The following RTRAF variants were observed in gnomAD, a reference collection of about 807,000 sequenced individuals.
RTRAF encodes the protein tRNA-splicing ligase complex subunit RTRAF.
In RTRAF, 14 loss-of-function variants were observed where a neutral mutation model predicts 34.4. That is an observed-to-expected ratio of 0.41 (90% CI 0.27 to 0.64). RTRAF has a LOEUF of 0.64. Among genes scored for constraint, RTRAF ranks in the 30% least tolerant of loss-of-function variants. The probability of loss-of-function intolerance (pLI) is 0.34; values close to 1 mark genes in which losing one functional copy is unlikely to be tolerated. For missense variants in RTRAF, 291 were observed against 288.4 expected (o/e 1.01, Z -0.06); for synonymous variants, 96 against 95.3 (o/e 1.01, Z -0.04).
intron 3 of RTRAF, among the ~76,000 whole-genome samples, chr14:51,994,093 A>G (rs1890479186): frequency 6.6e-6 from 1 of 152,226 alleles, no homozygotes; most frequent in African/African-American, 2.4e-5. Flanking sequence ...TTAGCCTTTC[A>G]AATTAAATTG....
intron 2 of RTRAF, among the ~76,000 whole-genome samples, chr14:51,993,208 AT>A (rs928095397): frequency 1.3e-5 from 2 of 152,140 alleles, no homozygotes; most frequent in African/African-American, 4.8e-5. Context: ...AATGTTACAT[AT>A]AATACTATTA....
chr14:52,010,215 G>C lies in RTRAF; in HGVS notation c.*5699G>C, dbSNP rs1010322417. 7.9e-5 allele frequency: 12 copies of C among 152,188 alleles called. No homozygotes were observed. Among genetic ancestry groups the C allele is most frequent in the Admixed American group, 6.5e-4 (10 of 15,276 alleles). 9.4% of individuals were successfully genotyped at this position (152,188 alleles called of 1,614,324 possible). On this transcript the variant is annotated 3_prime_UTR_variant, in exon 8 of 8. Transcript: ENST00000261700. ...AAGCACTTACCTGAAAATTAAAGCT[G>C]AAGGTTTTCTTTACTGATTTGAAGG...
intron 3 of RTRAF, among the ~76,000 whole-genome samples, chr14:51,996,064 G>A (rs1415590797): frequency 6.6e-6 from 1 of 152,052 alleles, no homozygotes; most frequent in African/African-American, 2.4e-5. Context: ...AATGGTAGAT[G>A]CATATGGTCA....
At chr14:51,998,938 T>C (rs964682163) in intron 4 of RTRAF, among the ~76,000 whole-genome samples, 4 of 152,018 alleles carry the variant, frequency 2.6e-5, no homozygotes, top group African/African-American at 9.7e-5. Context: ...GGATATCTTT[T>C]AGTAATTTCC....
At position 52,005,849 on chromosome 14, in the gene RTRAF, C is replaced by T. The variant is rs1420834999; in HGVS notation, c.*1333C>T. 2 of 1,599,770 alleles carry T rather than the reference C, an allele frequency of 1.3e-6. No homozygotes were observed. Among genetic ancestry groups the T allele is most frequent in the Middle Eastern group, 1.7e-4 (1 of 6,044 alleles). The stretch of plus-strand genomic sequence containing the variant: ...GTTTATTTACTGATACAACACCATC[C>T]CTGGTAACAGAAAGGAAGAGTGAAT... On this transcript the variant is annotated 3_prime_UTR_variant, in exon 8 of 8. Transcript: ENST00000261700.
In RTRAF at chr14:52,007,674, TTTACTAGTACTTAA is replaced by T. The variant is rs1161313324; in HGVS notation, c.*3159_*3172del. ...TAAGACTCATTTACTAGTACTTAAATTTACTAGTACTTAAAAGTTTACAGACCAAAGAAAGGAGA... is the reference window on the plus strand; with the variant it reads ...TAAGACTCATTTACTAGTACTTAAATAAGTTTACAGACCAAAGAAAGGAGA... On this transcript the variant is annotated 3_prime_UTR_variant, in exon 8 of 8. Coordinates refer to ENST00000261700, the MANE Select transcript of RTRAF (RefSeq NM_016039.3). The T allele has an allele frequency of 2.2e-4, 175 of 801,558 alleles. No homozygotes were observed. Among genetic ancestry groups the T allele is most frequent in the Admixed American group, 6.9e-4 (29 of 41,980 alleles). The allele number at this position is 801,558 out of a possible 1,614,324, so 49.7% of individuals were successfully genotyped here.
At chr14:51,999,446 G>T in intron 4 of RTRAF, 1 of 315,490 alleles carries the variant, frequency 3.2e-6, no homozygotes, top group East Asian at 5.2e-5. Context: ...TGAACTCATT[G>T]TAAGGTCAAA....
intron 5 of RTRAF, among the ~76,000 whole-genome samples, chr14:52,001,160 G>GT (rs200885934): frequency 0.012 from 1,850 of 152,232 alleles, 18 homozygotes; most frequent in Non-Finnish European, 0.021. Context: ...AAAAATTATA[G>GT]TTTAAGTTTT....
rs1421903576 is a variant in RTRAF, at chr14:52,006,029, T to G, written c.*1513T>G. On this transcript the variant is annotated 3_prime_UTR_variant, in exon 8 of 8. Coordinates refer to ENST00000261700, the MANE Select transcript of RTRAF (RefSeq NM_016039.3). The stretch of plus-strand genomic sequence containing the variant: ...TTGCTCTAAATCCATTGCTCATCTC[T>G]AGCTGCATGTTAGAATCACATGATG... 4 of 584,488 alleles carry G rather than the reference T, an allele frequency of 6.8e-6. No individual in the cohort carries two copies. Among genetic ancestry groups the G allele is most frequent in the Non-Finnish European group, 1.2e-5 (4 of 323,422 alleles). The allele number at this position is 584,488 out of a possible 1,614,324, so 36.2% of individuals were successfully genotyped here. A position where few individuals can be genotyped will look rare whatever the true frequency, so the allele number is the denominator to read the frequency against.
chr14:51,989,792 T>G, intron 1 of RTRAF, 92 bp downstream of exon 1: 1 of 1,353,070 alleles, frequency 7.4e-7, no homozygotes, highest in Non-Finnish European at 1.0e-6. Flanking sequence ...GTCGGGACCC[T>G]CGGCGGCCTG....
chr14:52,007,806 T>C lies in RTRAF; in HGVS notation c.*3290T>C. The C allele has an allele frequency of 6.2e-7, 1 of 1,612,790 alleles. No homozygotes were observed. On this transcript the variant is annotated 3_prime_UTR_variant, in exon 8 of 8. Transcript: ENST00000261700. Reference sequence around the variant, plus strand: ...ATCTATTTGCATTCCATCAGTAGTATTACCTGCATCTGCCCAGCAGAGCAG... The same window carrying C: ...ATCTATTTGCATTCCATCAGTAGTACTACCTGCATCTGCCCAGCAGAGCAG...
Position 51,999,976 on chromosome 14 carries a change from C to T in RTRAF, c.462+180C>T, listed in dbSNP as rs1890576591. The T allele has an allele frequency of 7.7e-6, 4 of 516,456 alleles. No individual in the cohort carries two copies. The East Asian group carries it at 1.2e-4, about 15-fold the overall frequency. 32.0% of individuals were successfully genotyped at this position (516,456 alleles called of 1,614,324 possible). On this transcript the variant is annotated intron_variant, in intron 5 of 7. Transcript: ENST00000261700. ...ATTTGGATTCTGTTTTCTGCCTGCA[C>T]TATGCTAAATCCTTTGCAAAGATGT...
rs893007211 is a variant in RTRAF at position 52,006,204 on chromosome 14, A to G, written c.*1688A>G. The G allele has an allele frequency of 1.0e-5, 4 of 395,796 alleles. No individual in the cohort carries two copies. The highest frequency in any genetic ancestry group is 2.8e-5 in the South Asian group (1 of 35,780). 24.5% of individuals were successfully genotyped at this position (395,796 alleles called of 1,614,324 possible). ...CAAAAGCCAACTTAAGCCCTGTAAT[A>G]TAGCTCATGGTATCAAGGGTAGTCT... On this transcript the variant is annotated 3_prime_UTR_variant, in exon 8 of 8. Coordinates refer to ENST00000261700, the MANE Select transcript of RTRAF (RefSeq NM_016039.3).
rs146857113 is a variant in RTRAF at position 52,008,162 on chromosome 14, G to T, written c.*3646G>T. The T allele has an allele frequency of 4.3e-6, 2 of 468,430 alleles. No individual in the cohort carries two copies. Among genetic ancestry groups the T allele is most frequent in the Non-Finnish European group, 7.4e-6 (2 of 268,504 alleles). 29.0% of individuals were successfully genotyped at this position (468,430 alleles called of 1,614,324 possible). ...GCAGAAGTGATAGGCTATCACTGCC[G>T]ATATTCGGTCTCAAAAAACTGGTTT... is the stretch of plus-strand genomic sequence containing the variant. On this transcript the variant is annotated 3_prime_UTR_variant, in exon 8 of 8. Transcript: ENST00000261700.
intron 6 of RTRAF, among the ~76,000 whole-genome samples, chr14:52,003,139 C>T (rs1300960422): frequency 6.6e-6 from 1 of 152,146 alleles, no homozygotes; most frequent in Non-Finnish European, 1.5e-5. Context: ...TTGGTGTCAT[C>T]TCAAAAGATA....
At position 52,006,066 on chromosome 14, in the gene RTRAF, C is replaced by CA. The variant is rs1890767777; in HGVS notation, c.*1551dup. ...AGAATCACATGATGAGCTATCAAATCAGAGTTGTAGGGCATGGTGTAAAGG... is the reference window on the plus strand; with the variant it reads ...AGAATCACATGATGAGCTATCAAATCAAGAGTTGTAGGGCATGGTGTAAAGG... On this transcript the variant is annotated 3_prime_UTR_variant, in exon 8 of 8. Coordinates refer to ENST00000261700, the MANE Select transcript of RTRAF (RefSeq NM_016039.3). 5.5e-6 allele frequency: 3 copies of CA among 543,876 alleles called. No individual in the cohort carries two copies. Among genetic ancestry groups the CA allele is most frequent in the African/African-American group, 1.9e-5 (1 of 52,716 alleles). The allele number at this position is 543,876 out of a possible 1,614,324, so 33.7% of individuals were successfully genotyped here.
At position 52,008,077 on chromosome 14, in the gene RTRAF, A is replaced by G; in HGVS notation, c.*3561A>G. 2 of 846,216 alleles carry G rather than the reference A, an allele frequency of 2.4e-6. No homozygotes were observed. Among genetic ancestry groups the G allele is most frequent in the South Asian group, 1.8e-5 (1 of 54,740 alleles). 52.4% of individuals were successfully genotyped at this position (846,216 alleles called of 1,614,324 possible). A position where few individuals can be genotyped will look rare whatever the true frequency, so the allele number is the denominator to read the frequency against. ...CTCCTCATGTATTATAGCCTTAAGC[A>G]ATCCCCTTGAGTTTGGGCTGCATTA... On this transcript the variant is annotated 3_prime_UTR_variant, in exon 8 of 8. Coordinates refer to ENST00000261700, the MANE Select transcript of RTRAF (RefSeq NM_016039.3).
In RTRAF at chr14:52,010,625, C is replaced by G. The variant is rs1890976757; in HGVS notation, c.*6109C>G. On this transcript the variant is annotated 3_prime_UTR_variant, in exon 8 of 8. Coordinates refer to ENST00000261700, the MANE Select transcript of RTRAF (RefSeq NM_016039.3). ...AACACTATCTGAATTTTCTACATAT[C>G]ACATCACAGACTAATATTGTTTATA... The G allele has an allele frequency of 2.7e-6, 1 of 372,340 alleles. No individual in the cohort carries two copies. Among genetic ancestry groups the G allele is most frequent in the Non-Finnish European group, 4.9e-6 (1 of 202,082 alleles). The allele number at this position is 372,340 out of a possible 1,614,324, so 23.1% of individuals were successfully genotyped here. A position where few individuals can be genotyped will look rare whatever the true frequency, so the allele number is the denominator to read the frequency against.
rs1310467285 is a variant in RTRAF, at chr14:52,005,689, T to A, written c.*1173T>A. ...GGTAATCAAATACCATATATATCCCTTCTCTACCCTGCTAATTTAAAGGAG... is the reference window on the plus strand; with the variant it reads ...GGTAATCAAATACCATATATATCCCATCTCTACCCTGCTAATTTAAAGGAG... On this transcript the variant is annotated 3_prime_UTR_variant, in exon 8 of 8. Transcript: ENST00000261700. 6.7e-7 allele frequency: 1 copy of A among 1,494,158 alleles called. No homozygotes were observed. The highest frequency in any genetic ancestry group is 1.1e-5 in the South Asian group (1 of 88,552). The allele number at this position is 1,494,158 out of a possible 1,614,324, so 92.6% of individuals were successfully genotyped here.
Sources: allele counts gnomAD v4.1 joint callset (sites outside exome capture counted in the v4.1 genomes callset), GRCh38; gene constraint gnomAD v4.1.1; transcripts MANE v1.5; gene names NCBI Gene and HGNC (gene_info 2026-07-23, HGNC 2026-07-21).